The following CTNNA2 variants were observed in gnomAD, a reference collection of about 807,000 sequenced individuals.
The protein encoded by CTNNA2 is catenin alpha-2.
A neutral mutation model predicts 101.0 loss-of-function variants in CTNNA2; 42 were observed. That is an observed-to-expected ratio of 0.42 (90% CI 0.32 to 0.54). The LOEUF (loss-of-function observed/expected upper bound fraction) is 0.54. CTNNA2 is among the 20% of genes least tolerant of loss of function. The pLI, the probability that CTNNA2 is intolerant of heterozygous loss-of-function variation, is 0.14. For missense variants in CTNNA2, 871 were observed against 1,223.1 expected (o/e 0.71, Z 4.29); for synonymous variants, 450 against 456.4 (o/e 0.99, Z 0.18).
intron 4 of CTNNA2, among the ~76,000 whole-genome samples, chr2:79,443,743 G>A (rs1242963063): frequency 6.6e-6 from 1 of 151,978 alleles, no homozygotes; most frequent in Non-Finnish European, 1.5e-5. Context: ...AACATGCTGT[G>A]GTAGGCAGTT....
At chr2:80,235,164 A>G (rs1204643053) in intron 7 of CTNNA2, among the ~76,000 whole-genome samples, 1 of 152,130 alleles carries the variant, frequency 6.6e-6, no homozygotes, top group African/African-American at 2.4e-5. Flanking sequence ...TGTTACTTTA[A>G]TAATATTTTA....
chr2:80,382,691 T>C (rs1168342089), intron 7 of CTNNA2, among the ~76,000 whole-genome samples: 1 of 152,236 alleles, frequency 6.6e-6, no homozygotes, highest in African/African-American at 2.4e-5. Flanking sequence ...AGACATACTT[T>C]CCATAAATTA....
chr2:79,389,338 C>T (rs2104470493), intron 4 of CTNNA2, among the ~76,000 whole-genome samples: 1 of 152,254 alleles, frequency 6.6e-6, no homozygotes, highest in Non-Finnish European at 1.5e-5. Context: ...GTCAAGCAGA[C>T]ATCAGTCACT....
intron 7 of CTNNA2, chr2:80,299,266 T>C (rs1028270227): frequency 6.6e-6 from 1 of 152,222 alleles, no homozygotes; most frequent in African/African-American, 2.4e-5. Flanking sequence ...AGCAAGTTTC[T>C]TGAAGCTTAA....
chr2:79,598,524 T>C (rs964702835), intron 1 of CTNNA2, among the ~76,000 whole-genome samples: 1 of 152,218 alleles, frequency 6.6e-6, no homozygotes, highest in Non-Finnish European at 1.5e-5. Flanking sequence ...TGTAGTGCCA[T>C]CTTGTTGCTT....
intron 8 of CTNNA2, among the ~76,000 whole-genome samples, chr2:80,397,451 C>T (rs1026483624): frequency 2.0e-5 from 3 of 152,122 alleles, no homozygotes; most frequent in Non-Finnish European, 2.9e-5. Flanking sequence ...CCATAATTCC[C>T]TTATGTCATG....
At chr2:79,619,476 A>G (rs1678856103) in intron 1 of CTNNA2, among the ~76,000 whole-genome samples, 1 of 152,170 alleles carries the variant, frequency 6.6e-6, no homozygotes, top group African/African-American at 2.4e-5. Flanking sequence ...TGCTGACATT[A>G]TTTATTTTAT....
chr2:79,332,708 G>T (rs979288390), intron 3 of CTNNA2, among the ~76,000 whole-genome samples: 2 of 152,146 alleles, frequency 1.3e-5, no homozygotes, highest in Non-Finnish European at 2.9e-5. Flanking sequence ...CTTGATCAGG[G>T]ATTGGCGTTA....
At chr2:80,354,255 A>G (rs1673573346) in intron 7 of CTNNA2, among the ~76,000 whole-genome samples, 1 of 152,170 alleles carries the variant, frequency 6.6e-6, no homozygotes, top group African/African-American at 2.4e-5. Context: ...CAGGGGATGG[A>G]ATTCTAGAAG....
In CTNNA2 at chr2:79,630,322, G is replaced by C. The variant is rs75095969; in HGVS notation, c.-5-21230G>C. On this transcript the variant is annotated intron_variant, in intron 1 of 18. Coordinates refer to ENST00000402739, the MANE Select transcript of CTNNA2 (RefSeq NM_001282597.3). The stretch of plus-strand genomic sequence containing the variant: ...CTTTTAATGGCACTGACGTCTTTGT[G>C]TTGTTACTCAGTCACCTCTATGAAT... Among the ~76,000 whole-genome samples, 103 of 152,270 alleles carry C rather than the reference G, an allele frequency of 6.8e-4. No homozygotes were observed. The East Asian group carries it at 0.019, about 29-fold the overall frequency.
At position 80,104,231 on chromosome 2, in the gene CTNNA2, C is replaced by T. The variant is rs73940942; in HGVS notation, c.1056+194434C>T. 2.1e-3 allele frequency among the ~76,000 whole-genome samples: 327 copies of T among 152,330 alleles called. 1 individual carries two copies. Among genetic ancestry groups the T allele is most frequent in the African/African-American group, 7.4e-3 (309 of 41,582 alleles). ...GTTGGTTCTCCACTCGAATCCTGCC[C>T]TTGCTACTCTTATTTATCAGCTAAG... On this transcript the variant is annotated intron_variant, in intron 7 of 18. Transcript: ENST00000402739.
chr2:79,566,771 A>G (rs957473152), intron 1 of CTNNA2, among the ~76,000 whole-genome samples: 17 of 152,156 alleles, frequency 1.1e-4, no homozygotes, highest in Non-Finnish European at 2.4e-4. Flanking sequence ...CTCAGTTTCA[A>G]TTTATATGTG....
chr2:80,481,220 T>A (rs1460660868), intron 9 of CTNNA2, among the ~76,000 whole-genome samples: 1 of 152,138 alleles, frequency 6.6e-6, no homozygotes, highest in Non-Finnish European at 1.5e-5. Flanking sequence ...ATCTCTATTA[T>A]TTTGTGCTTC....
At chr2:80,318,433 G>C (rs1250161301) in intron 7 of CTNNA2, among the ~76,000 whole-genome samples, 1 of 152,068 alleles carries the variant, frequency 6.6e-6, no homozygotes, top group Non-Finnish European at 1.5e-5. Flanking sequence ...AGTTGGGATA[G>C]TTATGTTTAG....
At chr2:79,445,506 G>T (rs935433852) in intron 4 of CTNNA2, among the ~76,000 whole-genome samples, 3 of 152,150 alleles carry the variant, frequency 2.0e-5, no homozygotes, top group African/African-American at 7.2e-5. Flanking sequence ...TTTTGAAAGG[G>T]TGAAGTGATA....
At chr2:80,239,830 TGAA>T (rs1343242421) in intron 7 of CTNNA2, among the ~76,000 whole-genome samples, 2 of 151,814 alleles carry the variant, frequency 1.3e-5, no homozygotes, top group Non-Finnish European at 1.5e-5. Flanking sequence ...GAGAATCGTT[TGAA>T]CCTGGGAGGC....
chr2:79,257,613 C>T (rs900714977), intron 2 of CTNNA2, among the ~76,000 whole-genome samples: 5 of 151,440 alleles, frequency 3.3e-5, no homozygotes, highest in South Asian at 2.1e-4. Context: ...TGGAACCATA[C>T]CACTCCAAGA....
At chr2:80,565,735 C>T (rs1259650247) in intron 12 of CTNNA2, among the ~76,000 whole-genome samples, 2 of 152,042 alleles carry the variant, frequency 1.3e-5, no homozygotes, top group African/African-American at 2.4e-5. Flanking sequence ...GTAAGTGCCT[C>T]CAAAGCATAA....
chr2:79,982,369 A>ATAACC (rs1691418085), intron 7 of CTNNA2, among the ~76,000 whole-genome samples: 4 of 114,652 alleles, frequency 3.5e-5, no homozygotes, highest in Admixed American at 1.8e-4. Flanking sequence ...TATATAACAT[A>ATAACC]TATATAACAT....
Sources: gnomAD v4.1 joint callset for allele counts (sites outside exome capture counted in the v4.1 genomes callset) on GRCh38, gnomAD v4.1.1 for gene constraint, MANE v1.5 for transcripts, NCBI Gene and HGNC (gene_info 2026-07-23, HGNC 2026-07-21) for gene names.